The following ZCCHC7 variants were observed in gnomAD, a reference collection of about 807,000 sequenced individuals.
ZCCHC7 encodes the protein zinc finger CCHC domain-containing protein 7.
Under a neutral mutation model 52.0 loss-of-function variants are expected in ZCCHC7, and 35 were observed. The ratio of observed to expected loss-of-function variants is 0.67; its 90% confidence interval spans 0.51 to 0.89. The LOEUF (loss-of-function observed/expected upper bound fraction) is 0.89, where lower values mean the gene tolerates loss of function less well. Ranked by LOEUF, ZCCHC7 falls within the 40% of genes least tolerant of loss-of-function variation. The probability of loss-of-function intolerance (pLI) is 0.00; values close to 1 mark genes in which losing one functional copy is unlikely to be tolerated. For missense variants in ZCCHC7, 574 were observed against 649.1 expected (o/e 0.88, Z 1.26); for synonymous variants, 217 against 221.5 (o/e 0.98, Z 0.18).
intron 6 of ZCCHC7, among the ~76,000 whole-genome samples, chr9:37,344,428 C>G (rs1035354972): frequency 1.3e-5 from 2 of 152,196 alleles, no homozygotes; most frequent in African/African-American, 4.8e-5. Flanking sequence ...TCCCTGTCCT[C>G]TAGAGCCTCC....
chr9:37,253,366 G>A (rs1466282003), intron 2 of ZCCHC7, among the ~76,000 whole-genome samples: 1 of 152,046 alleles, frequency 6.6e-6, no homozygotes, highest in East Asian at 1.9e-4. Context: ...AAAGATTGTA[G>A]TGTCAATGCA....
chr9:37,186,891 A>G (rs1165218757), intron 2 of ZCCHC7: 1 of 340,038 alleles, frequency 2.9e-6, no homozygotes, highest in Non-Finnish European at 5.7e-6. Context: ...AAATGAAACA[A>G]TCTCTTCTAA....
At chr9:37,267,590 G>C (rs1408287107) in intron 2 of ZCCHC7, among the ~76,000 whole-genome samples, 2 of 119,696 alleles carry the variant, frequency 1.7e-5, no homozygotes, top group Non-Finnish European at 3.3e-5. Flanking sequence ...TTTTTTTTGA[G>C]ACAGAGTCTC....
intron 2 of ZCCHC7, among the ~76,000 whole-genome samples, chr9:37,225,582 T>A (rs1193989395): frequency 6.6e-6 from 1 of 152,184 alleles, no homozygotes; most frequent in East Asian, 1.9e-4. Flanking sequence ...ATTAAAAGAT[T>A]AATATGTCAT....
chr9:37,198,640 G>A (rs922435983), intron 2 of ZCCHC7, among the ~76,000 whole-genome samples: 7 of 152,178 alleles, frequency 4.6e-5, no homozygotes, highest in African/African-American at 1.7e-4. Flanking sequence ...AATTCAGTTG[G>A]CATACTTATG....
chr9:37,262,991 T>C (rs1053943978), intron 2 of ZCCHC7, among the ~76,000 whole-genome samples: 1 of 152,216 alleles, frequency 6.6e-6, no homozygotes, highest in African/African-American at 2.4e-5. Context: ...TTACCCAAGA[T>C]GTTCTTTTCA....
chr9:37,145,968 C>T (rs1843416561), intron 2 of ZCCHC7, among the ~76,000 whole-genome samples: 1 of 151,912 alleles, frequency 6.6e-6, no homozygotes, highest in African/African-American at 2.4e-5. Context: ...CACATTTTCA[C>T]ATTCATTCAT....
intron 2 of ZCCHC7, among the ~76,000 whole-genome samples, chr9:37,138,399 T>C (rs1356993638): frequency 6.6e-6 from 1 of 152,184 alleles, no homozygotes; most frequent in Non-Finnish European, 1.5e-5. Context: ...TGTATATCAC[T>C]AATTTCTGTG....
intron 6 of ZCCHC7, among the ~76,000 whole-genome samples, chr9:37,342,588 CAGA>C (rs1820709142): frequency 6.6e-6 from 1 of 152,144 alleles, no homozygotes; most frequent in South Asian, 2.1e-4. Context: ...AAGGAGACTG[CAGA>C]AGAAATAGCC....
intron 1 of ZCCHC7, 148 bp from the exon 2 acceptor site, chr9:37,126,164 A>C (rs1842528870): frequency 8.6e-6 from 7 of 809,594 alleles, no homozygotes; most frequent in Non-Finnish European, 1.3e-5. Flanking sequence ...AGGACTTAGA[A>C]ATCCTTGGAA....
At chr9:37,142,587 A>G (rs1843275016) in intron 2 of ZCCHC7, among the ~76,000 whole-genome samples, 1 of 151,810 alleles carries the variant, frequency 6.6e-6, no homozygotes, top group Non-Finnish European at 1.5e-5. Flanking sequence ...TTTCTTTTAA[A>G]TCAGTGAGTT....
Position 37,354,368 on chromosome 9 carries a change from T to TA in ZCCHC7, c.1084-341dup, listed in dbSNP as rs1372368692. ...AAGTGATGGACAAGCAAAGGAGTAA[T>TA]ACTAACATGAGGCCGAATAACATAA... On this transcript the variant is annotated intron_variant, in intron 7 of 8. Coordinates refer to ENST00000336755, the MANE Select transcript of ZCCHC7 (RefSeq NM_032226.3). The surrounding 1 kb of genome is among the most constrained non-coding windows in gnomAD (Gnocchi z 4.0). 6.6e-6 allele frequency among the ~76,000 whole-genome samples: 1 copy of TA among 152,012 alleles called. No homozygotes were observed. The highest frequency in any genetic ancestry group is 1.5e-5 in the Non-Finnish European group (1 of 68,012).
chr9:37,254,360 A>G (rs1162219993), intron 2 of ZCCHC7, among the ~76,000 whole-genome samples: 2 of 151,988 alleles, frequency 1.3e-5, no homozygotes, highest in Non-Finnish European at 2.9e-5. Context: ...TTTGGTGTTT[A>G]TTTACAAAGA....
At chr9:37,250,049 A>C (rs1437565592) in intron 2 of ZCCHC7, among the ~76,000 whole-genome samples, 1 of 152,352 alleles carries the variant, frequency 6.6e-6, no homozygotes. Context: ...AGCCTTGTAA[A>C]GATCACTTAT....
intron 2 of ZCCHC7, among the ~76,000 whole-genome samples, chr9:37,274,333 T>TTC (rs1827579154): frequency 3.9e-5 from 2 of 50,854 alleles, no homozygotes; most frequent in Non-Finnish European, 4.8e-5. Flanking sequence ...TCTAATTTCT[T>TTC]TTTTTTTTTT....
intron 1 of ZCCHC7, among the ~76,000 whole-genome samples, chr9:37,122,346 A>G (rs1287411054): frequency 6.6e-6 from 1 of 152,186 alleles, no homozygotes; most frequent in Non-Finnish European, 1.5e-5. Context: ...TATATTTGTT[A>G]AGGTATTTTA....
intron 2 of ZCCHC7, among the ~76,000 whole-genome samples, chr9:37,283,839 T>C (rs1021400677): frequency 6.6e-6 from 1 of 152,200 alleles, no homozygotes; most frequent in Non-Finnish European, 1.5e-5. Flanking sequence ...GCTTGAATTT[T>C]CCATTGGGAA....
chr9:37,248,474 T>C (rs1826175408), intron 2 of ZCCHC7, among the ~76,000 whole-genome samples: 1 of 152,240 alleles, frequency 6.6e-6, no homozygotes, highest in South Asian at 2.1e-4. Context: ...TCTTTTATAC[T>C]CTTTTAGACT....
chr9:37,159,917 A>T (rs1184466167), intron 2 of ZCCHC7, among the ~76,000 whole-genome samples: 1 of 152,232 alleles, frequency 6.6e-6, no homozygotes, highest in Admixed American at 6.5e-5. Flanking sequence ...TAGGCTCAAA[A>T]CTTAAACTTG....
Sources: gnomAD v4.1 joint callset for allele counts (sites outside exome capture counted in the v4.1 genomes callset) on GRCh38, gnomAD v4.1.1 for gene constraint, Gnocchi (gnomAD v3.1) non-coding constraint, MANE v1.5 for transcripts, NCBI Gene and HGNC (gene_info 2026-07-23, HGNC 2026-07-21) for gene names.